Variants in ATP10A observed in about 807,000 individuals in gnomAD.
ATP10A encodes ATPase phospholipid transporting 10A (putative), also known as phospholipid-transporting ATPase VA.
ATP10A carries 111 observed loss-of-function variants against 147.8 expected under a neutral mutation model. The observed-to-expected ratio is 0.75, with a 90% CI of 0.64 to 0.88. The LOEUF (loss-of-function observed/expected upper bound fraction) is 0.88. ATP10A is among the 40% of genes least tolerant of loss of function. The pLI is 0.00. For synonymous variants in ATP10A, 875 were observed against 841.6 expected (o/e 1.04, Z -0.69); for missense variants, 1,927 against 1,959.0 (o/e 0.98, Z 0.31).
chr15:25,691,082 T>C (rs990716027), intron 15 of ATP10A, among the ~76,000 whole-genome samples: 1 of 152,198 alleles, frequency 6.6e-6, no homozygotes, highest in Admixed American at 6.5e-5. Context: ...AACATCCTGG[T>C]TTTTAGAACT....
At chr15:25,830,596 G>A (rs1334223694) in intron 1 of ATP10A, among the ~76,000 whole-genome samples, 1 of 152,090 alleles carries the variant, frequency 6.6e-6, no homozygotes, top group African/African-American at 2.4e-5. Flanking sequence ...GGGGTCCTGT[G>A]TCCCTGCACT....
intron 6 of ATP10A, among the ~76,000 whole-genome samples, chr15:25,723,671 A>G (rs1322913319): frequency 6.6e-6 from 1 of 152,182 alleles, no homozygotes; most frequent in Non-Finnish European, 1.5e-5. Context: ...TCAAAGCACA[A>G]GAACCTTAAG....
chr15:25,691,778 A>G lies in ATP10A; in HGVS notation c.3102T>C (p.Asn1034=), dbSNP rs778691538. The change falls in exon 15 of 21, where the codon AAT becomes AAC. Residue 1034 remains asparagine, a synonymous_variant. Transcript: ENST00000555815. The part of the protein sequence containing the change: ...AMTLAIGDGA[N]DVSMIQVADV... Reference sequence around the variant, plus strand: ...CTGCCACCTGGATCATGCTGACATCATTGGCTCCATCACCTAGAAACAGCA... The same window carrying G: ...CTGCCACCTGGATCATGCTGACATCGTTGGCTCCATCACCTAGAAACAGCA... 1.9e-6 allele frequency: 3 copies of G among 1,614,048 alleles called. No homozygotes were observed. Among genetic ancestry groups the G allele is most frequent in the Middle Eastern group, 1.6e-4 (1 of 6,082 alleles).
rs183800367 is a variant in ATP10A at position 25,798,784 on chromosome 15, C to G, written c.450-17561G>C. 1.5e-3 allele frequency among the ~76,000 whole-genome samples: 223 copies of G among 152,268 alleles called. 1 individual carries two copies. Among genetic ancestry groups the G allele is most frequent in the South Asian group, 6.2e-3 (30 of 4,824 alleles). On this transcript the variant is annotated intron_variant, in intron 1 of 20. Transcript: ENST00000555815. ...TGCAGACCGTGGGGCAAAACCGATT[C>G]TGTGATTCTGTTGGAGCTGCCTGAC...
intron 1 of ATP10A, among the ~76,000 whole-genome samples, chr15:25,792,646 C>T (rs771898211): frequency 1.3e-5 from 2 of 152,134 alleles, no homozygotes; most frequent in African/African-American, 2.4e-5. Context: ...GAGGGTGAGG[C>T]CCGCGTTTAG....
chr15:25,748,368 G>A (rs1887960343), intron 2 of ATP10A, among the ~76,000 whole-genome samples: 1 of 152,110 alleles, frequency 6.6e-6, no homozygotes, highest in Non-Finnish European at 1.5e-5. Context: ...AAAAATCAAT[G>A]TCATTAGATA....
chr15:25,752,594 T>C (rs1472409543), intron 2 of ATP10A, among the ~76,000 whole-genome samples: 1 of 152,210 alleles, frequency 6.6e-6, no homozygotes, highest in East Asian at 1.9e-4. Context: ...AGTCAAGATA[T>C]GTGAATCTTC....
chr15:25,711,815 C>G (rs1377290996), intron 10 of ATP10A, among the ~76,000 whole-genome samples: 1 of 152,190 alleles, frequency 6.6e-6, no homozygotes, highest in Non-Finnish European at 1.5e-5. Flanking sequence ...GATGCCAGGT[C>G]TGAGAGGCTC....
chr15:25,770,984 C>G (rs1031290737), intron 2 of ATP10A, among the ~76,000 whole-genome samples: 1 of 152,142 alleles, frequency 6.6e-6, no homozygotes, highest in African/African-American at 2.4e-5. Context: ...ATGAAGGCTT[C>G]CAGGTAGAGG....
At chr15:25,829,485 C>A (rs1892261504) in intron 1 of ATP10A, among the ~76,000 whole-genome samples, 1 of 152,068 alleles carries the variant, frequency 6.6e-6, no homozygotes, top group Non-Finnish European at 1.5e-5. Context: ...TGAGCAGGAA[C>A]CAAGCATGCC....
At chr15:25,717,632 A>G (rs1901902289) in intron 8 of ATP10A, among the ~76,000 whole-genome samples, 1 of 152,204 alleles carries the variant, frequency 6.6e-6, no homozygotes, top group Admixed American at 6.5e-5. Context: ...TTAGAAGCAC[A>G]TGAGAGAATG....
downstream of ATP10A, among the ~76,000 whole-genome samples, chr15:25,675,709 G>A (rs575748868): frequency 3.7e-4 from 57 of 152,336 alleles, no homozygotes; most frequent in African/African-American, 1.3e-3. Flanking sequence ...ACTTTGGGAC[G>A]CTAAGGCAGG....
intron 3 of ATP10A, among the ~76,000 whole-genome samples, chr15:25,729,087 C>T (rs1053042643): frequency 6.6e-6 from 1 of 152,232 alleles, no homozygotes; most frequent in African/African-American, 2.4e-5. Context: ...TTGTCATGGG[C>T]TGAACCGTGT....
chr15:25,721,422 G>T (rs901585810), intron 7 of ATP10A, among the ~76,000 whole-genome samples: 7 of 152,218 alleles, frequency 4.6e-5, no homozygotes, highest in Non-Finnish European at 2.9e-5. Context: ...CCCAGACACT[G>T]CAGGAACAGG....
intron 15 of ATP10A, among the ~76,000 whole-genome samples, chr15:25,690,303 G>A (rs1472346551): frequency 2.0e-5 from 3 of 151,150 alleles, no homozygotes; most frequent in South Asian, 2.1e-4. Context: ...GAGTGCAGTG[G>A]TGCAATCATA....
chr15:25,676,435 T>C (rs1258878380), downstream of ATP10A, among the ~76,000 whole-genome samples: 1 of 152,228 alleles, frequency 6.6e-6, no homozygotes, highest in African/African-American at 2.4e-5. Flanking sequence ...CTTGCAGCCA[T>C]GCACACTTAC....
At chr15:25,808,270 G>A (rs1891282322) in intron 1 of ATP10A, among the ~76,000 whole-genome samples, 1 of 152,150 alleles carries the variant, frequency 6.6e-6, no homozygotes, top group African/African-American at 2.4e-5. Context: ...TAAGCAGCTG[G>A]CCATAAATTA....
intron 9 of ATP10A, among the ~76,000 whole-genome samples, chr15:25,716,028 C>T (rs995527700): frequency 2.0e-5 from 3 of 152,240 alleles, no homozygotes; most frequent in African/African-American, 7.2e-5. Context: ...AGGAGAAAAC[C>T]TTAATGTCAG....
intron 2 of ATP10A, among the ~76,000 whole-genome samples, chr15:25,779,310 A>G (rs1270651713): frequency 6.6e-6 from 1 of 152,214 alleles, no homozygotes; most frequent in East Asian, 1.9e-4. Context: ...AGGTTTCACC[A>G]GTAGATACTC....
Sources: gnomAD v4.1 joint callset for allele counts (sites outside exome capture counted in the v4.1 genomes callset) on GRCh38, gnomAD v4.1.1 for gene constraint, MANE v1.5 for transcripts, NCBI Gene and HGNC (gene_info 2026-07-23, HGNC 2026-07-21) for gene names.